RNF217: variants seen among roughly 807,000 people sequenced by gnomAD.
RNF217 encodes the protein ring finger protein 217.
RNF217 carries 31 observed loss-of-function variants against 57.8 expected under a neutral mutation model. That is an observed-to-expected ratio of 0.54 (90% CI 0.40 to 0.72). The LOEUF (loss-of-function observed/expected upper bound fraction) is 0.72, where lower values mean the gene tolerates loss of function less well. Ranked by LOEUF, RNF217 falls within the 30% of genes least tolerant of loss-of-function variation. RNF217 has a pLI of 0.00. For synonymous variants in RNF217, 313 were observed against 294.0 expected (o/e 1.06, Z -0.66); for missense variants, 696 against 708.3 (o/e 0.98, Z 0.20).
At position 124,986,288 on chromosome 6, in the gene RNF217, G is replaced by A. The variant is rs148795419; in HGVS notation, c.882+22862G>A. On this transcript the variant is annotated intron_variant, in intron 1 of 5. Coordinates refer to ENST00000521654, the MANE Select transcript of RNF217 (RefSeq NM_001286398.3). ...ACCTTCTTTTGTGACCTTGTTTTTT[G>A]GTGATTGTCAGGTTGACCCTTTTCC... Among the ~76,000 whole-genome samples the A allele has an allele frequency of 4.2e-3, 645 of 152,206 alleles. 7 individuals are homozygous for A. Among genetic ancestry groups the A allele is most frequent in the African/African-American group, 0.015 (617 of 41,544 alleles).
chr6:125,057,379 A>G (rs1051433670), intron 2 of RNF217, among the ~76,000 whole-genome samples: 3 of 152,008 alleles, frequency 2.0e-5, no homozygotes, highest in Non-Finnish European at 2.9e-5. Context: ...ATGGGGTTTC[A>G]CCATGTTGGC....
rs76740197 is a variant in RNF217, at chr6:125,072,728, G to A, written c.1282-3929G>A. ...TGGCACAGAATGGCAAAAACAAGAA[G>A]ACACAGATATACCTTGTGGAGGGAG... On this transcript the variant is annotated intron_variant, in intron 3 of 5. Transcript: ENST00000521654. 1.9e-3 allele frequency among the ~76,000 whole-genome samples: 285 copies of A among 152,274 alleles called. 1 individual carries two copies. Among genetic ancestry groups the A allele is most frequent in the African/African-American group, 6.6e-3 (273 of 41,546 alleles).
intron 1 of RNF217, among the ~76,000 whole-genome samples, chr6:125,016,841 T>A (rs67458734): frequency 0.7 from 106,510 of 151,484 alleles, 39,517 homozygotes; most frequent in South Asian, 0.85. Context: ...AGATGATGGG[T>A]TGATGGGTGC....
At chr6:124,971,334 T>C (rs1783750811) in intron 1 of RNF217, 1 of 159,996 alleles carries the variant, frequency 6.3e-6, no homozygotes, top group South Asian at 1.5e-4. Flanking sequence ...AGCGAAAGGC[T>C]GCCACTCAAA....
chr6:125,047,114 A>C (rs569627360), intron 2 of RNF217, among the ~76,000 whole-genome samples: 1 of 152,070 alleles, frequency 6.6e-6, no homozygotes, highest in South Asian at 2.1e-4. Flanking sequence ...TTTTAGAAGG[A>C]CTCGTAATTC....
rs775511821 is a variant in RNF217 at position 124,963,038 on chromosome 6, C to T, written c.494C>T (p.Ser165Phe). ...CTCGCCAAGAGACAAGTCTTCTGCTCCGTGTACTGCGTGGAGAGCGACCTG... is the reference window on the plus strand; with the variant it reads ...CTCGCCAAGAGACAAGTCTTCTGCTTCGTGTACTGCGTGGAGAGCGACCTG... ...PSLAKRQVFCSVYCVESDLPE... is the reference protein window; with the variant it reads ...PSLAKRQVFCFVYCVESDLPE... Residue 165 changes from serine (S) to phenylalanine (F), a missense_variant, in exon 1 of 6, where the codon TCC becomes TTC. Transcript: ENST00000521654. 5.0e-6 allele frequency: 8 copies of T among 1,588,266 alleles called. No individual in the cohort carries two copies. The highest frequency in any genetic ancestry group is 6.8e-6 in the Non-Finnish European group (8 of 1,175,424).
chr6:125,061,726 C>A (rs976913950), intron 3 of RNF217, among the ~76,000 whole-genome samples: 2 of 151,732 alleles, frequency 1.3e-5, no homozygotes, highest in African/African-American at 2.4e-5. Context: ...GTCAAATACA[C>A]AAGCACATAT....
At chr6:125,072,854 C>CAG (rs141227087) in intron 3 of RNF217, among the ~76,000 whole-genome samples, 100,609 of 151,830 alleles carry the variant, frequency 0.66, 35,363 homozygotes, top group African/African-American at 0.89. Flanking sequence ...AATAAAGAAA[C>CAG]ACATGGATTC....
At chr6:125,017,383 T>C (rs1785652645) in intron 1 of RNF217, among the ~76,000 whole-genome samples, 1 of 152,206 alleles carries the variant, frequency 6.6e-6, no homozygotes, top group Non-Finnish European at 1.5e-5. Flanking sequence ...GAATCAGCAG[T>C]ATTAGCTCTT....
At chr6:125,027,781 A>G (rs61361981) in intron 1 of RNF217, among the ~76,000 whole-genome samples, 19,755 of 152,204 alleles carry the variant, frequency 0.13, 1,558 homozygotes, top group African/African-American at 0.22. Context: ...AAAGTGTACA[A>G]AGGTTCCCTT....
chr6:125,004,288 T>C (rs1785090017), intron 1 of RNF217, among the ~76,000 whole-genome samples: 1 of 152,184 alleles, frequency 6.6e-6, no homozygotes, highest in Admixed American at 6.5e-5. Flanking sequence ...TCAACAGGAA[T>C]GGCTGGCACA....
intron 2 of RNF217, among the ~76,000 whole-genome samples, chr6:125,057,061 C>T (rs1156992335): frequency 6.6e-6 from 1 of 152,180 alleles, no homozygotes; most frequent in Non-Finnish European, 1.5e-5. Flanking sequence ...GAATGCTTTG[C>T]ATTGTTTTTA....
At chr6:125,020,261 G>A (rs1419924793) in intron 1 of RNF217, among the ~76,000 whole-genome samples, 1 of 152,226 alleles carries the variant, frequency 6.6e-6, no homozygotes, top group Admixed American at 6.5e-5. Context: ...GCAGGGCAGG[G>A]TCCTGGTGTT....
chr6:125,056,589 C>T (rs1411589146), intron 2 of RNF217, among the ~76,000 whole-genome samples: 1 of 152,128 alleles, frequency 6.6e-6, no homozygotes, highest in Non-Finnish European at 1.5e-5. Flanking sequence ...GTAATTGCCA[C>T]TCAGCTAATT....
intron 1 of RNF217, chr6:125,009,158 C>T: frequency 4.0e-6 from 6 of 1,483,096 alleles, no homozygotes; most frequent in Admixed American, 4.4e-5. Context: ...CATTTTTTCT[C>T]TTCTCATATT....
At chr6:125,048,235 G>T in intron 2 of RNF217, 2 of 1,355,936 alleles carry the variant, frequency 1.5e-6, no homozygotes, top group Non-Finnish European at 2.0e-6. Flanking sequence ...CTGAGACTAA[G>T]ATCTTTGTTC....
At chr6:125,070,332 T>G (rs945425520) in intron 3 of RNF217, among the ~76,000 whole-genome samples, 1 of 152,182 alleles carries the variant, frequency 6.6e-6, no homozygotes, top group Non-Finnish European at 1.5e-5. Flanking sequence ...GCACATGTAT[T>G]TTTCATATAA....
rs1339839253 is a variant in RNF217 at position 125,089,420 on chromosome 6, G to T, written c.*6483G>T. 1 of 152,050 alleles carries T rather than the reference G, an allele frequency of 6.6e-6. No homozygotes were observed. Among genetic ancestry groups the T allele is most frequent in the Non-Finnish European group, 1.5e-5 (1 of 68,008 alleles). 9.4% of individuals were successfully genotyped at this position (152,050 alleles called of 1,614,324 possible). A position where few individuals can be genotyped will look rare whatever the true frequency, so the allele number is the denominator to read the frequency against. ...AAAACGTCCTACAGCTTGGACTTGG[G>T]GTGGATTTATATAGTGTAGCATTTG... is the stretch of plus-strand genomic sequence containing the variant. On this transcript the variant is annotated 3_prime_UTR_variant, in exon 6 of 6. Transcript: ENST00000521654.
chr6:125,047,902 AATTTGAGGATGATT>A (rs1400283936), intron 2 of RNF217, among the ~76,000 whole-genome samples: 1 of 152,062 alleles, frequency 6.6e-6, no homozygotes, highest in African/African-American at 2.4e-5. Flanking sequence ...ACTACCACAG[AATTTGAGGATGATT>A]ATTTTTGTTA....
Sources: allele counts gnomAD v4.1 joint callset (sites outside exome capture counted in the v4.1 genomes callset), GRCh38; gene constraint gnomAD v4.1.1; transcripts MANE v1.5; gene names NCBI Gene and HGNC (gene_info 2026-07-23, HGNC 2026-07-21).